NRG4: variants seen among roughly 807,000 people sequenced by gnomAD.
NRG4 encodes the protein neuregulin 4.
Under a neutral mutation model 15.0 loss-of-function variants are expected in NRG4, and 10 were observed. That is an observed-to-expected ratio of 0.67 (90% confidence interval 0.41 to 1.13). The LOEUF is 1.13. Among genes scored for constraint, NRG4 ranks in the 50% most tolerant of loss-of-function variants. NRG4 has a pLI of 0.00. For missense variants in NRG4, 139 were observed against 140.2 expected, an observed-to-expected ratio of 0.99 and a Z score of 0.04; for synonymous variants, 41 against 50.1, an observed-to-expected ratio of 0.82 and a Z score of 0.77.
At chr15:75,983,765 C>T (rs1002740610) in intron 3 of NRG4, among the ~76,000 whole-genome samples, 2 of 151,774 alleles carry the variant, frequency 1.3e-5, no homozygotes, top group African/African-American at 4.8e-5. Context: ...GATGAAATAA[C>T]TAAGAATAAA....
chr15:75,938,474 A>G (rs1323171252), downstream of NRG4: 1 of 152,238 alleles, frequency 6.6e-6, no homozygotes, highest in African/African-American at 2.4e-5. Flanking sequence ...ACATTAAACT[A>G]GACATATACT....
rs1567121189 is a variant in NRG4 at position 76,033,834 on chromosome 15, C to T, written c.-57+2110G>A. On this transcript the variant is annotated intron_variant, in intron 5 of 8. Coordinates refer to the NRG4 transcript ENST00000563910. ...TTTATCAGAAAAGAGGAAAGCCTTC[C>T]GTGAAGTCCCCCAGCAGACTCATGG... 2.6e-5 allele frequency among the ~76,000 whole-genome samples: 4 copies of T among 152,266 alleles called. No homozygotes were observed. The South Asian group carries it at 8.3e-4, about 32-fold the overall frequency.
chr15:75,948,224 C>T (rs1263777992), intron 5 of NRG4, among the ~76,000 whole-genome samples: 1 of 152,080 alleles, frequency 6.6e-6, no homozygotes, highest in Non-Finnish European at 1.5e-5. Flanking sequence ...GCAATCATTG[C>T]CAAATCCAAT....
chr15:76,046,184 G>C (rs978409677), intron 4 of NRG4, among the ~76,000 whole-genome samples: 6 of 150,846 alleles, frequency 4.0e-5, no homozygotes, highest in African/African-American at 1.2e-4. Context: ...CCATGAAACT[G>C]ATGAAAGAAA....
downstream of NRG4, chr15:75,937,556 T>C (rs2030498710): frequency 6.6e-6 from 1 of 150,470 alleles, no homozygotes. Context: ...CGAACCTTGT[T>C]AGAGCTTTGG....
chr15:76,057,215 T>A (rs979031536), intron 1 of NRG4: 1 of 103,078 alleles, frequency 9.7e-6, no homozygotes, highest in Admixed American at 9.1e-5. Context: ...AAGAATCACC[T>A]GGGGCAGTTA....
chr15:76,036,970 T>G (rs1405637511), intron 4 of NRG4, among the ~76,000 whole-genome samples: 1 of 152,056 alleles, frequency 6.6e-6, no homozygotes, highest in East Asian at 1.9e-4. Context: ...GATGACATGA[T>G]CTTATACACA....
intron 3 of NRG4, among the ~76,000 whole-genome samples, chr15:75,984,205 G>A (rs544093414): frequency 6.6e-6 from 1 of 152,230 alleles, no homozygotes; most frequent in East Asian, 1.9e-4. Flanking sequence ...ATTATGATGT[G>A]TTGATGCAGG....
At chr15:76,039,452 A>T (rs941604851) in intron 4 of NRG4, among the ~76,000 whole-genome samples, 12 of 152,216 alleles carry the variant, frequency 7.9e-5, no homozygotes, top group African/African-American at 2.9e-4. Flanking sequence ...AGAAATTCTG[A>T]AGGTGAAAAA....
chr15:75,994,116 A>T (rs1456489439), intron 3 of NRG4, among the ~76,000 whole-genome samples: 3 of 152,214 alleles, frequency 2.0e-5, no homozygotes, highest in African/African-American at 7.2e-5. Context: ...AGATGGTTAC[A>T]TTCCTTTTTA....
intron 3 of NRG4, among the ~76,000 whole-genome samples, chr15:75,972,820 G>T (rs115825215): frequency 6.6e-6 from 1 of 152,132 alleles, no homozygotes; most frequent in African/African-American, 2.4e-5. Context: ...CTTCAGCTTT[G>T]TTCTTCTTGT....
intron 2 of NRG4, among the ~76,000 whole-genome samples, chr15:76,009,899 A>G (rs1190086546): frequency 1.3e-5 from 2 of 152,208 alleles, no homozygotes; most frequent in African/African-American, 4.8e-5. Flanking sequence ...AAGAAAAATT[A>G]AAAAGCTAAG....
intron 4 of NRG4, chr15:75,959,273 C>T (rs1319826995): frequency 5.1e-6 from 1 of 194,450 alleles, no homozygotes; most frequent in East Asian, 1.6e-4. Flanking sequence ...CAGCACCTGG[C>T]CCAAGTTCTA....
intron 4 of NRG4, among the ~76,000 whole-genome samples, chr15:76,050,833 T>A (rs1251784512): frequency 1.4e-5 from 2 of 147,910 alleles, no homozygotes; most frequent in Non-Finnish European, 3.0e-5. Flanking sequence ...AGATATGGGG[T>A]CTCAGTCTGT....
intron 4 of NRG4, among the ~76,000 whole-genome samples, chr15:76,045,832 A>T (rs777043378): frequency 6.6e-6 from 1 of 150,926 alleles, no homozygotes; most frequent in African/African-American, 2.5e-5. Flanking sequence ...AATGGATCCA[A>T]ATTAGTAAGA....
At chr15:76,037,485 C>T (rs1290564228) in intron 4 of NRG4, among the ~76,000 whole-genome samples, 1 of 152,188 alleles carries the variant, frequency 6.6e-6, no homozygotes, top group Non-Finnish European at 1.5e-5. Context: ...TGACACCCAT[C>T]TACAGAGGGA....
intron 4 of NRG4, among the ~76,000 whole-genome samples, chr15:76,047,260 T>C (rs1394666186): frequency 6.6e-6 from 1 of 150,800 alleles, no homozygotes; most frequent in Non-Finnish European, 1.5e-5. Context: ...GATCCAGCAA[T>C]TCCACTATGG....
At chr15:76,011,713 C>T (rs986738265) in intron 1 of NRG4, among the ~76,000 whole-genome samples, 1 of 152,138 alleles carries the variant, frequency 6.6e-6, no homozygotes, top group African/African-American at 2.4e-5. Context: ...TTGCACATTA[C>T]ATTTACCAAC....
At chr15:76,058,874 A>C (rs963844876) in intron 1 of NRG4, among the ~76,000 whole-genome samples, 1 of 152,234 alleles carries the variant, frequency 6.6e-6, no homozygotes, top group African/African-American at 2.4e-5. Context: ...CAGCCCTTGC[A>C]AACATTAATT....
Sources: allele counts gnomAD v4.1 joint callset (sites outside exome capture counted in the v4.1 genomes callset), GRCh38; gene constraint gnomAD v4.1.1; transcripts MANE v1.5; gene names NCBI Gene and HGNC (gene_info 2026-07-23, HGNC 2026-07-21).